Variants in DNAH14 observed in about 807,000 individuals in gnomAD.
DNAH14 encodes the protein axonemal beta dynein heavy chain 14.
DNAH14 carries 478 observed loss-of-function variants against 520.9 expected under a neutral mutation model. The observed-to-expected ratio is 0.92, with a 90% CI of 0.85 to 0.99. The LOEUF is 0.99. Ranked by LOEUF, DNAH14 falls within the 50% of genes least tolerant of loss-of-function variation. The pLI, the probability that DNAH14 is intolerant of heterozygous loss-of-function variation, is 0.00. For missense variants in DNAH14, 4,831 were observed against 5,234.5 expected (o/e 0.92, Z 2.38); for synonymous variants, 1,581 against 1,757.2 (o/e 0.90, Z 2.51).
intron 1 of DNAH14, among the ~76,000 whole-genome samples, chr1:224,941,777 A>G (rs2059435724): frequency 6.6e-6 from 1 of 152,170 alleles, no homozygotes; most frequent in Admixed American, 6.5e-5. Context: ...TCCTTTCCCC[A>G]TTGCTTGTTT....
In DNAH14 at chr1:225,340,493, T is replaced by C; in HGVS notation, c.10470T>C (p.Phe3490=). 6.4e-7 allele frequency: 1 copy of C among 1,551,218 alleles called. No individual in the cohort carries two copies. The highest frequency in any genetic ancestry group is 8.7e-7 in the Non-Finnish European group (1 of 1,146,714). Residue 3490 remains phenylalanine, a synonymous_variant, in exon 69 of 86, where the codon TTT becomes TTC. Transcript: ENST00000682510. ...YLSTEIDNPH[F]LPSVYNFVTM... is the part of the protein sequence containing the mutation. ...CTACAGAAATAGACAACCCCCATTTTCTTCCATCAGTTTATAACTTTGTTA... is the reference window on the plus strand; with the variant it reads ...CTACAGAAATAGACAACCCCCATTTCCTTCCATCAGTTTATAACTTTGTTA...
intron 11 of DNAH14, among the ~76,000 whole-genome samples, chr1:225,026,227 A>G (rs2066110544): frequency 6.6e-6 from 1 of 151,344 alleles, no homozygotes; most frequent in African/African-American, 2.4e-5. Flanking sequence ...TTTGGAGTAA[A>G]AAAGTTTTTA....
rs532985729 is a variant in DNAH14 at position 225,274,051 on chromosome 1, A to G, written c.8010+926A>G. On this transcript the variant is annotated intron_variant, in intron 52 of 85. Coordinates refer to ENST00000682510, the MANE Select transcript of DNAH14 (RefSeq NM_001367479.1). The stretch of plus-strand genomic sequence containing the variant: ...ATATTCCTTTGGATATATACCCACT[A>G]ATGGGATTGCTGGGTCAAATGGTAG... Among the ~76,000 whole-genome samples, 3 of 152,220 alleles carry G rather than the reference A, an allele frequency of 2.0e-5. No homozygotes were observed. In the East Asian group the frequency reaches 5.8e-4, roughly 29 times the overall value.
In DNAH14 at chr1:225,181,609, C is replaced by A. The variant is rs2084006451; in HGVS notation, c.5536-3682C>A. On this transcript the variant is annotated intron_variant, in intron 36 of 85. Coordinates refer to ENST00000682510, the MANE Select transcript of DNAH14 (RefSeq NM_001367479.1). ...AGCATTTTTTCATATGTTTATTGGC[C>A]TCTTATATGTCTTCTTTTGAGAAGT... Among the ~76,000 whole-genome samples, 4 of 151,998 alleles carry A rather than the reference C, an allele frequency of 2.6e-5. No homozygotes were observed. The South Asian group carries it at 8.3e-4, about 31-fold the overall frequency.
At chr1:225,132,985 GT>G (rs927941556) in intron 27 of DNAH14, among the ~76,000 whole-genome samples, 2 of 151,892 alleles carry the variant, frequency 1.3e-5, no homozygotes, top group African/African-American at 4.8e-5. Context: ...TAATGTTGAG[GT>G]TTTTTTCAAA....
intron 10 of DNAH14, among the ~76,000 whole-genome samples, chr1:225,015,619 C>G (rs755546830): frequency 6.6e-6 from 1 of 152,160 alleles, no homozygotes; most frequent in Non-Finnish European, 1.5e-5. Context: ...GATACACACA[C>G]AATACCTTTA....
intron 41 of DNAH14, among the ~76,000 whole-genome samples, chr1:225,216,836 T>C (rs1319069376): frequency 6.6e-6 from 1 of 152,214 alleles, no homozygotes; most frequent in Non-Finnish European, 1.5e-5. Context: ...TGCAATGGGT[T>C]CGAACATCCT....
intron 35 of DNAH14, among the ~76,000 whole-genome samples, 178 bp downstream of exon 35, chr1:225,159,663 A>G (rs1286985348): frequency 1.3e-5 from 2 of 152,226 alleles, no homozygotes; most frequent in Non-Finnish European, 1.5e-5. Flanking sequence ...AGCTTTCAGT[A>G]TATTATGTCC....
intron 66 of DNAH14, among the ~76,000 whole-genome samples, chr1:225,335,888 C>CATACACATATGTACAT (rs1558438685): frequency 1.6e-4 from 10 of 63,888 alleles, no homozygotes; most frequent in African/African-American, 6.5e-4. Context: ...CATATATGTA[C>CATACACATATGTACAT]ATATACATAC....
chr1:225,333,454 T>C lies in DNAH14; in HGVS notation c.10028T>C (p.Ile3343Thr). The C allele has an allele frequency of 6.4e-7, 1 of 1,551,332 alleles. No homozygotes were observed. The highest frequency in any genetic ancestry group is 1.2e-5 in the South Asian group (1 of 84,042). Reference protein sequence around the residue: ...KWETFCIENGISLSSKFSLIK... With the variant: ...KWETFCIENGTSLSSKFSLIK... ...GAGACATTCTGCATTGAAAATGGCA[T>C]TTCTTTGTCTTCCAAATTCTCTTTA... The change falls in exon 66 of 86, where the codon ATT (isoleucine) becomes ACT (threonine). Residue 3343 changes from isoleucine to threonine, a missense_variant. Transcript: ENST00000682510.
intron 38 of DNAH14, among the ~76,000 whole-genome samples, chr1:225,200,305 G>A (rs112364842): frequency 6.6e-6 from 1 of 152,226 alleles, no homozygotes; most frequent in Non-Finnish European, 1.5e-5. Context: ...CTTTTAAGTG[G>A]AGCATTTAGG....
intron 41 of DNAH14, among the ~76,000 whole-genome samples, chr1:225,219,832 A>G (rs1347993719): frequency 6.6e-6 from 1 of 152,218 alleles, no homozygotes; most frequent in African/African-American, 2.4e-5. Context: ...TCCTGGTACC[A>G]AAACCTGGCA....
intron 38 of DNAH14, among the ~76,000 whole-genome samples, 172 bp downstream of exon 38, chr1:225,193,083 A>G (rs2149356329): frequency 1.3e-5 from 2 of 152,266 alleles, no homozygotes; most frequent in East Asian, 3.9e-4. Flanking sequence ...AAAATGGAAA[A>G]TCTCCCATTG....
intron 35 of DNAH14, among the ~76,000 whole-genome samples, chr1:225,162,281 G>A (rs2081589615): frequency 6.6e-6 from 1 of 152,016 alleles, no homozygotes; most frequent in African/African-American, 2.4e-5. Flanking sequence ...CACCTTTGTT[G>A]AAAATAAGTT....
chr1:224,989,004 C>T (rs369370810), intron 8 of DNAH14, among the ~76,000 whole-genome samples: 20 of 152,158 alleles, frequency 1.3e-4, no homozygotes, highest in East Asian at 5.8e-4. Context: ...TGGCATTAAT[C>T]CATTCATGAG....
intron 41 of DNAH14, among the ~76,000 whole-genome samples, chr1:225,209,601 G>C (rs937792501): frequency 1.3e-5 from 2 of 152,064 alleles, no homozygotes; most frequent in Admixed American, 1.3e-4. Flanking sequence ...AAATTTCAGA[G>C]GATAAAGACA....
chr1:225,265,482 A>C lies in DNAH14; in HGVS notation c.7410+113A>C, dbSNP rs1046114092. 6 of 858,668 alleles carry C rather than the reference A, an allele frequency of 7.0e-6. No homozygotes were observed. In the East Asian group the frequency reaches 1.3e-4, roughly 18 times the overall value. 53.2% of individuals were successfully genotyped at this position (858,668 alleles called of 1,614,324 possible). ...ATTTGTGTAACACACATTTTTGAAC[A>C]TCATAGAAGATGCAATGTATAACAG... is the stretch of plus-strand genomic sequence containing the variant. On this transcript the variant is annotated intron_variant, in intron 48 of 85. Transcript: ENST00000682510.
intron 21 of DNAH14, among the ~76,000 whole-genome samples, chr1:225,089,442 CAAAAAAAAAAA>C (rs1169182387): frequency 2.0e-4 from 6 of 29,912 alleles, no homozygotes; most frequent in African/African-American, 6.9e-4. Context: ...AAAACTCCGT[CAAAAAAAAAAA>C]AAAAAAAAAA....
chr1:225,003,475 T>C (rs572360221), intron 9 of DNAH14, among the ~76,000 whole-genome samples: 82 of 152,096 alleles, frequency 5.4e-4, no homozygotes, highest in Non-Finnish European at 9.6e-4. Context: ...GTAAAATTGA[T>C]AGAGTTATCT....
Sources: gnomAD v4.1 joint callset for allele counts (sites outside exome capture counted in the v4.1 genomes callset) on GRCh38, gnomAD v4.1.1 for gene constraint, MANE v1.5 for transcripts, NCBI Gene and HGNC (gene_info 2026-07-23, HGNC 2026-07-21) for gene names.